SV2C: variants seen among roughly 807,000 people sequenced by gnomAD.
The protein encoded by SV2C is solute carrier family 22 member B3.
In SV2C, 49 loss-of-function variants were observed where a neutral mutation model predicts 79.7. The ratio of observed to expected loss-of-function variants is 0.61; its 90% CI spans 0.49 to 0.78. SV2C has a LOEUF of 0.78. Among genes scored for constraint, SV2C ranks in the 30% least tolerant of loss-of-function variants. The pLI, the probability that SV2C is intolerant of heterozygous loss-of-function variation, is 0.00. For synonymous variants in SV2C, 334 were observed against 333.2 expected, an observed-to-expected ratio of 1.00 and a Z score of -0.03; for missense variants, 833 against 912.9, an observed-to-expected ratio of 0.91 and a Z score of 1.13.
chr5:76,095,333 G>A (rs1385140544), intron 1 of SV2C, among the ~76,000 whole-genome samples: 1 of 152,040 alleles, frequency 6.6e-6, no homozygotes, highest in African/African-American at 2.4e-5. Context: ...TCATTGATAT[G>A]CCTCTTATTA....
At chr5:75,949,831 G>A in the SV2C span, among the ~76,000 whole-genome samples, 3 of 152,118 alleles carry the variant, frequency 2.0e-5, no homozygotes, top group Non-Finnish European at 2.9e-5. Flanking sequence ...AATACAGATG[G>A]TGATAACTGA....
intron 4 of SV2C, among the ~76,000 whole-genome samples, chr5:76,217,356 T>A (rs1448793439): frequency 1.3e-5 from 2 of 152,208 alleles, no homozygotes; most frequent in Non-Finnish European, 2.9e-5. Flanking sequence ...GATTCCTGAT[T>A]CCTCAACCAG....
At chr5:76,045,306 G>T in the SV2C span, among the ~76,000 whole-genome samples, 1 of 152,100 alleles carries the variant, frequency 6.6e-6, no homozygotes, top group Non-Finnish European at 1.5e-5. Context: ...TGCTGTTTTG[G>T]TTACTGTAGC....
chr5:76,091,126 A>T (rs1186138765), intron 1 of SV2C, among the ~76,000 whole-genome samples: 1 of 152,220 alleles, frequency 6.6e-6, no homozygotes, highest in East Asian at 1.9e-4. Context: ...CACAAGACAG[A>T]ATACTCCAGT....
chr5:76,014,280 GA>G, the SV2C span, among the ~76,000 whole-genome samples: 349 of 151,050 alleles, frequency 2.3e-3, 2 homozygotes, highest in African/African-American at 8.1e-3. Flanking sequence ...AAGAAAGAAA[GA>G]AAGAAATCTT....
At chr5:75,861,736 G>A in the SV2C span, among the ~76,000 whole-genome samples, 6 of 152,198 alleles carry the variant, frequency 3.9e-5, no homozygotes, top group Non-Finnish European at 7.3e-5. Context: ...AATACTGCAT[G>A]TTCTCACTTA....
chr5:75,968,244 C>A, the SV2C span, among the ~76,000 whole-genome samples: 3 of 152,110 alleles, frequency 2.0e-5, no homozygotes, highest in Non-Finnish European at 4.4e-5. Flanking sequence ...AGCAGAAAAA[C>A]CGGAAACTCT....
chr5:76,030,289 T>TTTTTTTTTTTTTTTTTTATTTATTTA, the SV2C span, among the ~76,000 whole-genome samples: 1 of 117,874 alleles, frequency 8.5e-6, no homozygotes, highest in African/African-American at 3.9e-5. Context: ...TTTTTTTTTT[T>TTTTTTTTTTTTTTTTTTATTTATTTA]TTTATTTATT....
At chr5:75,954,206 T>C in the SV2C span, among the ~76,000 whole-genome samples, 3 of 151,942 alleles carry the variant, frequency 2.0e-5, no homozygotes, top group Non-Finnish European at 4.4e-5. Flanking sequence ...GATACCTGTA[T>C]GTGGCAATGT....
chr5:76,344,399 T>C (rs1749498876), intron 12 of SV2C, among the ~76,000 whole-genome samples: 1 of 152,246 alleles, frequency 6.6e-6, no homozygotes, highest in Admixed American at 6.5e-5. Flanking sequence ...AGACATTGTT[T>C]GTATTAATTT....
intron 2 of SV2C, among the ~76,000 whole-genome samples, chr5:76,183,699 A>T (rs932545428): frequency 6.6e-6 from 1 of 152,070 alleles, no homozygotes; most frequent in Admixed American, 6.5e-5. Context: ...CATGAATTCC[A>T]CATTCCGTCT....
At chr5:76,130,658 T>C (rs973919663) in intron 1 of SV2C, among the ~76,000 whole-genome samples, 5 of 152,126 alleles carry the variant, frequency 3.3e-5, no homozygotes, top group African/African-American at 1.2e-4. Context: ...AAATGGAATA[T>C]AAGTTACCTT....
intron 2 of SV2C, among the ~76,000 whole-genome samples, chr5:76,166,628 C>T (rs892228927): frequency 3.3e-5 from 4 of 122,534 alleles, no homozygotes; most frequent in South Asian, 2.8e-4. Context: ...TAGATAGCAG[C>T]ATCTATTAAG....
Position 76,204,006 on chromosome 5 carries a change from C to T in SV2C, c.762-5730C>T, listed in dbSNP as rs534182749. 2.7e-3 allele frequency among the ~76,000 whole-genome samples: 404 copies of T among 152,262 alleles called. 3 individuals carry two copies. The highest frequency in any genetic ancestry group is 9.2e-3 in the African/African-American group (381 of 41,554). The stretch of plus-strand genomic sequence containing the variant: ...TGTGCCTTCTGATCTATATAGCAAC[C>T]TTATTTTCTGTGCCAACCTAGCCTA... On this transcript the variant is annotated intron_variant, in intron 3 of 12. Transcript: ENST00000502798.
intron 1 of SV2C, among the ~76,000 whole-genome samples, chr5:76,093,554 C>T (rs1228327614): frequency 6.6e-6 from 1 of 152,172 alleles, no homozygotes; most frequent in Non-Finnish European, 1.5e-5. Flanking sequence ...CAGAATTTCA[C>T]AAAACTGTTC....
At chr5:76,268,313 C>A (rs1042927130) in intron 4 of SV2C, among the ~76,000 whole-genome samples, 2 of 152,114 alleles carry the variant, frequency 1.3e-5, no homozygotes, top group Admixed American at 6.5e-5. Context: ...GGCTGAGAGA[C>A]AATGAATACT....
chr5:76,270,757 T>G (rs1442622012), intron 4 of SV2C, among the ~76,000 whole-genome samples: 1 of 151,762 alleles, frequency 6.6e-6, no homozygotes, highest in Admixed American at 6.6e-5. Context: ...ATGATTTATT[T>G]ATTTATTTAT....
the SV2C span, among the ~76,000 whole-genome samples, chr5:76,040,502 T>C: frequency 6.6e-6 from 1 of 152,228 alleles, no homozygotes; most frequent in African/African-American, 2.4e-5. Context: ...AATTAGAATA[T>C]TCACTTGAAT....
intron 4 of SV2C, among the ~76,000 whole-genome samples, chr5:76,272,333 T>G (rs1011723651): frequency 1.3e-5 from 2 of 152,216 alleles, no homozygotes; most frequent in African/African-American, 4.8e-5. Flanking sequence ...AAAAATCTTC[T>G]AGGAATAAAC....
Sources: allele counts gnomAD v4.1 joint callset (sites outside exome capture counted in the v4.1 genomes callset), GRCh38; gene constraint gnomAD v4.1.1; transcripts MANE v1.5; gene names NCBI Gene and HGNC (gene_info 2026-07-23, HGNC 2026-07-21).